GRIN3A: variants seen among roughly 807,000 people sequenced by gnomAD.
GRIN3A encodes the protein glutamate ionotropic receptor NMDA type subunit 3A.
Under a neutral mutation model 92.4 loss-of-function variants are expected in GRIN3A, and 47 were observed. The ratio of observed to expected loss-of-function variants is 0.51; its 90% confidence interval spans 0.40 to 0.65. The LOEUF is 0.65. Among genes scored for constraint, GRIN3A ranks in the 30% least tolerant of loss-of-function variants. The pLI is 0.00. For synonymous variants in GRIN3A, 527 were observed against 540.6 expected (o/e 0.97, Z 0.35); for missense variants, 1,324 against 1,393.1 (o/e 0.95, Z 0.79).
At chr9:101,730,211 C>G (rs574132078) in intron 1 of GRIN3A, among the ~76,000 whole-genome samples, 19 of 152,234 alleles carry the variant, frequency 1.2e-4, no homozygotes, top group African/African-American at 4.6e-4. Context: ...TTCAGTGAAC[C>G]AGAACTCTAA....
At chr9:101,596,178 G>A (rs1031407509) in intron 6 of GRIN3A, among the ~76,000 whole-genome samples, 13 of 152,146 alleles carry the variant, frequency 8.5e-5, no homozygotes, top group African/African-American at 2.4e-4. Flanking sequence ...TCAGTCTAAA[G>A]ATAACCATGC....
At chr9:101,582,486 G>T (rs1179567056) in intron 6 of GRIN3A, among the ~76,000 whole-genome samples, 1 of 152,180 alleles carries the variant, frequency 6.6e-6, no homozygotes, top group African/African-American at 2.4e-5. Context: ...GGGTTTGGTA[G>T]GGAAGCACGT....
At chr9:101,607,388 T>C (rs1304916312) in intron 6 of GRIN3A, among the ~76,000 whole-genome samples, 2 of 152,184 alleles carry the variant, frequency 1.3e-5, no homozygotes, top group African/African-American at 4.8e-5. Context: ...TTAATTGCTC[T>C]ATAGCAACAG....
chr9:101,689,553 C>A (rs1266312130), intron 1 of GRIN3A, among the ~76,000 whole-genome samples: 1 of 152,020 alleles, frequency 6.6e-6, no homozygotes, highest in Non-Finnish European at 1.5e-5. Flanking sequence ...CTGAGAAATT[C>A]CAGATGTTGA....
At chr9:101,666,588 A>G (rs893706076) in intron 3 of GRIN3A, among the ~76,000 whole-genome samples, 1 of 152,026 alleles carries the variant, frequency 6.6e-6, no homozygotes, top group Non-Finnish European at 1.5e-5. Context: ...ACAAACCCCC[A>G]TGACAGAAGT....
chr9:101,619,193 G>A (rs1828514302), intron 5 of GRIN3A, among the ~76,000 whole-genome samples: 1 of 152,148 alleles, frequency 6.6e-6, no homozygotes, highest in South Asian at 2.1e-4. Flanking sequence ...TCTCAGATAG[G>A]GTTAAAAAGG....
At chr9:101,693,198 G>A (rs1829641521) in intron 1 of GRIN3A, among the ~76,000 whole-genome samples, 1 of 151,304 alleles carries the variant, frequency 6.6e-6, no homozygotes, top group African/African-American at 2.4e-5. Context: ...GAGGTCATGA[G>A]TTTGAGACCA....
intron 3 of GRIN3A, among the ~76,000 whole-genome samples, chr9:101,641,390 T>C (rs10819960): frequency 0.19 from 29,294 of 152,136 alleles, 3,178 homozygotes; most frequent in Non-Finnish European, 0.25. Context: ...CCAACCCAAA[T>C]GTCCAACAAC....
At chr9:101,728,673 A>G (rs1361109598) in intron 1 of GRIN3A, among the ~76,000 whole-genome samples, 1 of 152,188 alleles carries the variant, frequency 6.6e-6, no homozygotes, top group Non-Finnish European at 1.5e-5. Context: ...ACTGTTACTA[A>G]AATTTCAACC....
chr9:101,704,166 T>G (rs969669634), intron 1 of GRIN3A, among the ~76,000 whole-genome samples: 8 of 151,148 alleles, frequency 5.3e-5, no homozygotes. Context: ...TAAAAAAAAA[T>G]CATTATGGGA....
Position 101,657,554 on chromosome 9 carries a change from T to G in GRIN3A, c.2352+12506A>C, listed in dbSNP as rs551323012. Among the ~76,000 whole-genome samples the G allele has an allele frequency of 9.3e-4, 142 of 152,046 alleles. 1 individual carries two copies. Among genetic ancestry groups the G allele is most frequent in the African/African-American group, 3.0e-3 (123 of 41,516 alleles). On this transcript the variant is annotated intron_variant, in intron 3 of 8. Coordinates refer to ENST00000361820, the MANE Select transcript of GRIN3A (RefSeq NM_133445.3). ...TGCTGAAGGTAGAGTGGAGTAACGA[T>G]GAAGAGATTTAACAGTGGGAATATT... is the stretch of plus-strand genomic sequence containing the variant.
At position 101,613,380 on chromosome 9, in the gene GRIN3A, G is replaced by A. The variant is rs144712629; in HGVS notation, c.2762C>T (p.Thr921Met). The A allele has an allele frequency of 8.6e-5, 138 of 1,613,890 alleles. No individual in the cohort carries two copies. Among genetic ancestry groups the A allele is most frequent in the Admixed American group, 2.5e-4 (15 of 59,990 alleles). Residue 921 changes from threonine (T) to methionine (M), a missense_variant, in exon 6 of 9, where the codon ACG (threonine) becomes ATG (methionine). Thr to Met is a moderately conservative substitution (Grantham distance 81, BLOSUM62 -1). Coordinates refer to ENST00000361820, the MANE Select transcript of GRIN3A (RefSeq NM_133445.3). ...TTTTCAACAGTCTTTCCATACCTCC[G>A]TGACAGCAAAACTTCTCTTGCCACA... is the stretch of plus-strand genomic sequence containing the variant. ...VPCGKRSFAVTETLQMGIKHF... is the reference protein window; with the variant it reads ...VPCGKRSFAVMETLQMGIKHF...
chr9:101,600,491 G>T (rs540171426), intron 6 of GRIN3A, among the ~76,000 whole-genome samples: 1 of 152,268 alleles, frequency 6.6e-6, no homozygotes, highest in East Asian at 1.9e-4. Flanking sequence ...CACCTGCCTT[G>T]AGTGTTACAG....
rs923004546 is a variant in GRIN3A, at chr9:101,712,298, T to A, written c.699+24983A>T. Among the ~76,000 whole-genome samples the A allele has an allele frequency of 2.6e-5, 4 of 152,186 alleles. No individual in the cohort carries two copies. In the South Asian group the frequency reaches 8.3e-4, roughly 32 times the overall value. On this transcript the variant is annotated intron_variant, in intron 1 of 8. Coordinates refer to ENST00000361820, the MANE Select transcript of GRIN3A (RefSeq NM_133445.3). The stretch of plus-strand genomic sequence containing the variant: ...TAATTACTTGGAAAACCTAGAAAGA[T>A]CTTGATTTTGCACTAAATTTCTCTC...
rs183045306 is a variant in GRIN3A at position 101,641,203 on chromosome 9, T to C, written c.2353-12802A>G. Among the ~76,000 whole-genome samples the C allele has an allele frequency of 5.4e-4, 83 of 152,308 alleles. 1 individual carries two copies. The highest frequency in any genetic ancestry group is 5.2e-4 in the Admixed American group (8 of 15,292). ...ATTGTTGGTGGGACTGTAAACTAGT[T>C]CAACCATTGTGGAAGTCAGTTTGGC... On this transcript the variant is annotated intron_variant, in intron 3 of 8. Transcript: ENST00000361820.
intron 6 of GRIN3A, among the ~76,000 whole-genome samples, chr9:101,610,060 C>A (rs1588246827): frequency 6.6e-6 from 1 of 152,206 alleles, no homozygotes; most frequent in Non-Finnish European, 1.5e-5. Context: ...ATGGTCACAA[C>A]AAATGATAGA....
intron 6 of GRIN3A, among the ~76,000 whole-genome samples, chr9:101,602,571 A>G (rs1345819989): frequency 6.6e-6 from 1 of 152,216 alleles, no homozygotes; most frequent in East Asian, 1.9e-4. Flanking sequence ...TTAGTTGCAT[A>G]GTAAATAGCA....
intron 1 of GRIN3A, among the ~76,000 whole-genome samples, chr9:101,714,813 A>G (rs1829923310): frequency 6.6e-6 from 1 of 152,208 alleles, no homozygotes; most frequent in Non-Finnish European, 1.5e-5. Context: ...ATGTCTGACA[A>G]AATGTTTTAA....
intron 6 of GRIN3A, chr9:101,595,060 G>C: frequency 1.1e-6 from 1 of 923,574 alleles, no homozygotes; most frequent in Non-Finnish European, 1.6e-6. Context: ...TCGAGCAAAA[G>C]GGCAGGGGAG....
Sources: gnomAD v4.1 joint callset for allele counts (sites outside exome capture counted in the v4.1 genomes callset) on GRCh38, gnomAD v4.1.1 for gene constraint, MANE v1.5 for transcripts, NCBI Gene and HGNC (gene_info 2026-07-23, HGNC 2026-07-21) for gene names.